Variants in VPS13B observed in about 807,000 individuals in gnomAD.
The protein encoded by VPS13B is vacuolar protein sorting 13 homolog B.
In VPS13B, 285 loss-of-function variants were observed where a neutral mutation model predicts 426.4. The observed-to-expected ratio is 0.67, with a 90% CI of 0.61 to 0.74. The LOEUF is 0.74. VPS13B is among the 30% of genes least tolerant of loss of function. VPS13B has a pLI of 0.00. For missense variants in VPS13B, 4,537 were observed against 4,782.6 expected (o/e 0.95, Z 1.51); for synonymous variants, 1,676 against 1,676.4 (o/e 1.00, Z 0.01).
At chr8:99,173,729 G>T (rs1812483997) in intron 16 of VPS13B, among the ~76,000 whole-genome samples, 1 of 152,086 alleles carries the variant, frequency 6.6e-6, no homozygotes, top group Non-Finnish European at 1.5e-5. Flanking sequence ...TTTATGGAAT[G>T]TTTTGAACAA....
chr8:99,119,465 G>A (rs886288421), intron 7 of VPS13B: 8 of 152,176 alleles, frequency 5.3e-5, no homozygotes, highest in African/African-American at 1.7e-4. Flanking sequence ...CTTTGTTGCA[G>A]TAGGCTGTTC....
chr8:99,360,191 TC>T (rs1203710018), intron 19 of VPS13B, among the ~76,000 whole-genome samples: 39 of 21,762 alleles, frequency 1.8e-3, no homozygotes, highest in Admixed American at 3.5e-3. Flanking sequence ...TCTTTCTTTC[TC>T]TCTCTCTCTC....
chr8:99,511,006 G>C, intron 28 of VPS13B, 98 bp from the exon 29 acceptor site: 1 of 1,332,242 alleles, frequency 7.5e-7, no homozygotes, highest in African/African-American at 1.5e-5. Context: ...GTAAGACCAA[G>C]AGGTAAAAAT....
At chr8:99,448,888 T>C (rs541910252) in intron 23 of VPS13B, among the ~76,000 whole-genome samples, 1 of 152,320 alleles carries the variant, frequency 6.6e-6, no homozygotes, top group Admixed American at 6.5e-5. Context: ...ATCATTTATG[T>C]TCAAGCAGAT....
intron 19 of VPS13B, among the ~76,000 whole-genome samples, chr8:99,381,835 A>G (rs1321807259): frequency 6.6e-6 from 1 of 151,346 alleles, no homozygotes; most frequent in Admixed American, 6.6e-5. Context: ...GTTTGCAAAA[A>G]TTTTCTCCCA....
At chr8:99,054,782 A>G (rs1011580247) in intron 3 of VPS13B, among the ~76,000 whole-genome samples, 2 of 152,078 alleles carry the variant, frequency 1.3e-5, no homozygotes, top group South Asian at 2.1e-4. Context: ...TATGGGTTCA[A>G]CTTCATTCTA....
chr8:99,337,177 G>A (rs546868861), intron 19 of VPS13B, among the ~76,000 whole-genome samples: 5 of 152,158 alleles, frequency 3.3e-5, no homozygotes, highest in Admixed American at 2.0e-4. Context: ...GGAATACTAT[G>A]CAGCCATAAA....
At chr8:99,447,190 T>C (rs183648551) in intron 23 of VPS13B, among the ~76,000 whole-genome samples, 54 of 152,302 alleles carry the variant, frequency 3.5e-4, no homozygotes, top group African/African-American at 1.2e-3. Context: ...CTATACAGGC[T>C]TGAATTTACT....
chr8:99,785,149 T>A (rs1812199637), intron 43 of VPS13B, among the ~76,000 whole-genome samples: 1 of 152,154 alleles, frequency 6.6e-6, no homozygotes, highest in Admixed American at 6.6e-5. Flanking sequence ...GAGATATGTG[T>A]CCTGTAGCGA....
chr8:99,493,253 T>G (rs1049885004), intron 25 of VPS13B, among the ~76,000 whole-genome samples: 32 of 152,192 alleles, frequency 2.1e-4, no homozygotes, highest in East Asian at 3.9e-4. Flanking sequence ...TTTCTTATAA[T>G]AGCCTTGTCA....
intron 30 of VPS13B, among the ~76,000 whole-genome samples, chr8:99,529,509 T>C (rs1822821113): frequency 6.6e-6 from 1 of 152,160 alleles, no homozygotes; most frequent in Non-Finnish European, 1.5e-5. Flanking sequence ...ACTTAAAAAC[T>C]CTTATATACT....
At chr8:99,577,739 T>C in intron 33 of VPS13B, 106 bp downstream of exon 33, 1 of 1,395,736 alleles carries the variant, frequency 7.2e-7, no homozygotes, top group Non-Finnish European at 1.0e-6. Flanking sequence ...AATTATTCTG[T>C]GTTTAACTTT....
intron 3 of VPS13B, among the ~76,000 whole-genome samples, chr8:99,070,975 T>C (rs1249340537): frequency 6.6e-6 from 1 of 152,158 alleles, no homozygotes; most frequent in Admixed American, 6.5e-5. Flanking sequence ...ATTTATCTGA[T>C]AGGATTCTGA....
chr8:99,573,715 G>C (rs1825612124), intron 31 of VPS13B, among the ~76,000 whole-genome samples: 2 of 152,148 alleles, frequency 1.3e-5, no homozygotes, highest in Non-Finnish European at 2.9e-5. Flanking sequence ...TTGTAGTATA[G>C]TTTGAAGTCA....
rs139849251 is a variant in VPS13B, at chr8:99,135,724, T to C, written c.1554T>C (p.Thr518=). ...GCGCAGAATTTATCTTGGATTCAAC[T>C]CATCATAAGGTTAGAGAATATATAT... The part of the protein sequence containing the change: ...GTRAEFILDS[T]HHKETYTEIA... Residue 518 remains threonine, a synonymous_variant, in exon 11 of 62, where the codon ACT becomes ACC. Transcript: ENST00000357162. The C allele has an allele frequency of 2.8e-5, 45 of 1,613,144 alleles. No individual in the cohort carries two copies. Among genetic ancestry groups the C allele is most frequent in the Non-Finnish European group, 3.5e-5 (41 of 1,179,398 alleles).
intron 29 of VPS13B, among the ~76,000 whole-genome samples, chr8:99,512,807 A>T (rs1821861572): frequency 6.6e-6 from 1 of 152,176 alleles, no homozygotes; most frequent in Non-Finnish European, 1.5e-5. Context: ...CAGGAGTTTG[A>T]GACCAGCCTG....
chr8:99,355,428 T>C (rs1563684678), intron 19 of VPS13B, among the ~76,000 whole-genome samples: 1 of 152,218 alleles, frequency 6.6e-6, no homozygotes, highest in East Asian at 1.9e-4. Context: ...CCGTCTCTAC[T>C]GAAAATACAC....
At chr8:99,822,094 A>G (rs993831144) in intron 50 of VPS13B, among the ~76,000 whole-genome samples, 2 of 152,358 alleles carry the variant, frequency 1.3e-5, no homozygotes, top group Middle Eastern at 3.4e-3. Context: ...GAATAATATA[A>G]CTAATCACAT....
chr8:99,665,794 C>T (rs903912381), intron 35 of VPS13B, among the ~76,000 whole-genome samples: 23 of 152,178 alleles, frequency 1.5e-4, no homozygotes, highest in Middle Eastern at 3.4e-3. Context: ...ATTGACTTGG[C>T]GATGCGGGCT....
Sources: allele counts gnomAD v4.1 joint callset (sites outside exome capture counted in the v4.1 genomes callset), GRCh38; gene constraint gnomAD v4.1.1; transcripts MANE v1.5; gene names NCBI Gene and HGNC (gene_info 2026-07-23, HGNC 2026-07-21).